RAB9B: variants seen among roughly 807,000 people sequenced by gnomAD.
RAB9B encodes RAB9B, member RAS oncogene family.
RAB9B carries 1 observed loss-of-function variant against 8.9 expected under a neutral mutation model. That is an observed-to-expected ratio of 0.11 (90% CI 0.04 to 0.53). The LOEUF is 0.53. RAB9B is among the 20% of genes least tolerant of loss of function. The pLI is 0.93. For synonymous variants in RAB9B, 63 were observed against 57.0 expected, an observed-to-expected ratio of 1.10 and a Z score of -0.47; for missense variants, 82 against 152.9, an observed-to-expected ratio of 0.54 and a Z score of 2.45.
the RAB9B span, among the ~76,000 whole-genome samples, chrX:103,805,624 C>G: frequency 9.0e-6 from 1 of 111,469 alleles, no homozygotes; most frequent in Non-Finnish European, 1.9e-5. Context: ...AGGTTTTTCT[C>G]ATTATTAATT....
chrX:103,794,688 A>G, the RAB9B span, among the ~76,000 whole-genome samples: 1 of 112,415 alleles, frequency 8.9e-6, no homozygotes, highest in Admixed American at 9.4e-5. Flanking sequence ...AACTTCATGA[A>G]TATTAAGTAA....
the RAB9B span, among the ~76,000 whole-genome samples, chrX:103,804,572 T>C: frequency 8.9e-6 from 1 of 111,779 alleles, no homozygotes; most frequent in African/African-American, 3.2e-5. Flanking sequence ...CAGCTTGGAT[T>C]TTGCCAGGGA....
At position 103,825,248 on chromosome X, in the gene RAB9B, C is replaced by T. The variant is rs766945249; in HGVS notation, c.537G>A (p.Leu179=). ...TGGTGTGACCCAACATGCAATGCTC[C>T]AGCTGTTCCTCTACAGCCAGCACCT... The part of the protein sequence containing the change: ...VRQVLAVEEQ[L]EHCMLGHTID... The change falls in exon 3 of 3, where the codon CTG becomes CTA. Residue 179 remains leucine, a synonymous_variant. Transcript: ENST00000243298. The T allele has an allele frequency of 1.7e-6, 2 of 1,211,371 alleles. No individual in the cohort carries two copies. Among genetic ancestry groups the T allele is most frequent in the Non-Finnish European group, 2.2e-6 (2 of 895,251 alleles).
At chrX:103,800,224 C>T in the RAB9B span, among the ~76,000 whole-genome samples, 17 of 109,024 alleles carry the variant, frequency 1.6e-4, no homozygotes, top group African/African-American at 5.7e-4. Context: ...GGACATATTT[C>T]TCTACAGTCT....
At chrX:103,788,200 G>A in the RAB9B span, among the ~76,000 whole-genome samples, 1 of 111,836 alleles carries the variant, frequency 8.9e-6, no homozygotes, top group African/African-American at 3.3e-5. Flanking sequence ...TACTCTAGTT[G>A]ACTGCTGTTC....
chrX:103,788,993 G>A, the RAB9B span: 33 of 332,312 alleles, frequency 9.9e-5, no homozygotes, highest in Admixed American at 1.5e-3. Flanking sequence ...GGGAATAAAA[G>A]TAAATCCGGG....
rs182406843 is a variant in RAB9B, at chrX:103,822,552, G to T, written c.*2627C>A. Reference sequence around the variant, plus strand: ...TGGAATCTGAGGCCCCTGAAAGTTAGCCAATACATGACAATAAACTAAATA... The same window carrying T: ...TGGAATCTGAGGCCCCTGAAAGTTATCCAATACATGACAATAAACTAAATA... On this transcript the variant is annotated 3_prime_UTR_variant, in exon 3 of 3. Transcript: ENST00000243298. 2 of 111,519 alleles carry T rather than the reference G, an allele frequency of 1.8e-5. No individual in the cohort carries two copies. Among genetic ancestry groups the T allele is most frequent in the East Asian group, 5.6e-4 (2 of 3,562 alleles). 9.2% of individuals were successfully genotyped at this position (111,519 alleles called of 1,213,427 possible).
chrX:103,788,062 G>A, the RAB9B span: 1 of 682,251 alleles, frequency 1.5e-6, no homozygotes, highest in East Asian at 3.3e-5. Flanking sequence ...GTGATTATGA[G>A]AAAAATATAA....
the RAB9B span, among the ~76,000 whole-genome samples, chrX:103,816,464 G>A: frequency 4.7e-4 from 52 of 111,569 alleles, 1 homozygote; most frequent in Non-Finnish European, 4.3e-4. Context: ...GTAAGACCTA[G>A]GACCATAAAC....
chrX:103,785,473 G>A, the RAB9B span: 22 of 659,857 alleles, frequency 3.3e-5, no homozygotes, highest in East Asian at 3.9e-4. Flanking sequence ...TTTTGACTTC[G>A]GAGTGCCCAC....
At chrX:103,778,882 C>T in the RAB9B span, among the ~76,000 whole-genome samples, 12 of 112,149 alleles carry the variant, frequency 1.1e-4, no homozygotes, top group Non-Finnish European at 1.9e-4. Flanking sequence ...TCATGGAATC[C>T]GGGATTGGAA....
At chrX:103,819,321 G>T, downstream of RAB9B, among the ~76,000 whole-genome samples, 2 of 111,736 alleles carry the variant, frequency 1.8e-5, no homozygotes, top group South Asian at 7.6e-4. Flanking sequence ...TTTACCCATA[G>T]TTCATACAGC....
intron 1 of RAB9B, among the ~76,000 whole-genome samples, chrX:103,830,724 A>AGTGCCC (rs202182319): frequency 0.051 from 5,669 of 111,546 alleles, 341 homozygotes; most frequent in African/African-American, 0.17. Flanking sequence ...CTGAATCTGC[A>AGTGCCC]GTACCCACAA....
At chrX:103,787,753 G>GCTGATGTAGATTTCTAAT in the RAB9B span, 1 of 1,099,997 alleles carries the variant, frequency 9.1e-7, no homozygotes, top group Non-Finnish European at 1.3e-6. Flanking sequence ...TTCTACATCT[G>GCTGATGTAGATTTCTAAT]CAGGCTGATG....
the RAB9B span, chrX:103,786,316 G>A: frequency 2.8e-6 from 3 of 1,056,859 alleles, no homozygotes. Flanking sequence ...TAAGGTGAAA[G>A]CATGCAGGAG....
At chrX:103,798,329 T>C in the RAB9B span, among the ~76,000 whole-genome samples, 125 of 112,312 alleles carry the variant, frequency 1.1e-3, 3 homozygotes, top group East Asian at 0.031. Flanking sequence ...ATATCTTATT[T>C]GAAACATGAT....
At chrX:103,789,135 G>T in the RAB9B span, 1 of 474,925 alleles carries the variant, frequency 2.1e-6, no homozygotes, top group Non-Finnish European at 3.8e-6. Context: ...CTGTGATCTG[G>T]GTGTTAATGG....
the RAB9B span, among the ~76,000 whole-genome samples, chrX:103,813,616 C>T: frequency 2.0e-4 from 22 of 107,997 alleles, no homozygotes; most frequent in East Asian, 4.7e-3. Flanking sequence ...TAAAAGACGA[C>T]GACTGGCAAA....
At chrX:103,803,617 C>T in the RAB9B span, among the ~76,000 whole-genome samples, 4 of 112,684 alleles carry the variant, frequency 3.5e-5, no homozygotes, top group South Asian at 3.7e-4. Flanking sequence ...CTCGCTCTGT[C>T]GCCCAGGCTG....
Sources: gnomAD v4.1 joint callset for allele counts (sites outside exome capture counted in the v4.1 genomes callset) on GRCh38, gnomAD v4.1.1 for gene constraint, MANE v1.5 for transcripts, NCBI Gene and HGNC (gene_info 2026-07-23, HGNC 2026-07-21) for gene names.